CLASP1: variants seen among roughly 807,000 people sequenced by gnomAD.
CLASP1 encodes the protein cytoplasmic linker associated protein 1.
A neutral mutation model predicts 192.3 loss-of-function variants in CLASP1; 38 were observed. The observed-to-expected ratio is 0.20, with a 90% confidence interval of 0.15 to 0.26. The LOEUF (loss-of-function observed/expected upper bound fraction) is 0.26, where lower values mean the gene tolerates loss of function less well. Among genes scored for constraint, CLASP1 ranks in the 10% least tolerant of loss-of-function variants. CLASP1 has a pLI of 1.00. For missense variants in CLASP1, 1,433 were observed against 1,932.5 expected, an observed-to-expected ratio of 0.74 and a Z score of 4.85; for synonymous variants, 691 against 712.8, an observed-to-expected ratio of 0.97 and a Z score of 0.49.
In CLASP1 at chr2:121,598,741, G is replaced by A. The variant is rs144658962; in HGVS notation, c.195+6960C>T. Among the ~76,000 whole-genome samples the A allele has an allele frequency of 7.3e-4, 111 of 152,304 alleles. 1 individual carries two copies. The highest frequency in any genetic ancestry group is 2.5e-3 in the African/African-American group (102 of 41,552). On this transcript the variant is annotated intron_variant, in intron 2 of 39. Transcript: ENST00000263710. ...ATGAGATAAGACAGAGAACATACCT[G>A]AAACTAAGTAAGGAATAAATGGTAG... is the stretch of plus-strand genomic sequence containing the variant.
At chr2:121,517,588 C>T (rs2094335263) in intron 6 of CLASP1, among the ~76,000 whole-genome samples, 1 of 152,172 alleles carries the variant, frequency 6.6e-6, no homozygotes, top group South Asian at 2.1e-4. Flanking sequence ...AGCATGGTGG[C>T]TCACACCTGT....
chr2:121,340,524 T>C (rs1444990832), exon 40 of CLASP1: 3 of 218,804 alleles, frequency 1.4e-5, no homozygotes, highest in Middle Eastern at 1.6e-3. Flanking sequence ...TGCTACTTTC[T>C]ACCAAGTAGT....
exon 17 of CLASP1, chr2:121,449,006 T>G (rs755726766): frequency 2.5e-6 from 4 of 1,613,970 alleles, no homozygotes; most frequent in Middle Eastern, 1.7e-4. Flanking sequence ...GCAGAGACAC[T>G]ATGCTGTCTG....
At chr2:121,528,625 T>A (rs1177751174) in intron 4 of CLASP1, 52 bp downstream of exon 4, 1 of 1,389,196 alleles carries the variant, frequency 7.2e-7, no homozygotes, top group Non-Finnish European at 1.0e-6. Context: ...CCCTCGCACG[T>A]GCATGCACGC....
chr2:121,406,977 G>T (rs893297742), intron 25 of CLASP1, among the ~76,000 whole-genome samples: 3 of 152,282 alleles, frequency 2.0e-5, no homozygotes, highest in African/African-American at 7.2e-5. Context: ...CAGCACTTTG[G>T]GGGGCAAAGG....
chr2:121,364,860 A>G, intron 36 of CLASP1: 2 of 546,692 alleles, frequency 3.7e-6, no homozygotes, highest in South Asian at 4.2e-5. Flanking sequence ...TTCCTCAACT[A>G]CTATAAACCC....
Position 121,448,772 on chromosome 2 carries a change from C to T in CLASP1, c.1691+181G>A, listed in dbSNP as rs148270061. The stretch of plus-strand genomic sequence containing the variant: ...AACTGAAAAACAGTACGGTAGAGAC[C>T]AAAGCAACCTATTTCTCACCACTCC... On this transcript the variant is annotated intron_variant, in intron 17 of 39. Transcript: ENST00000263710. Among the ~76,000 whole-genome samples, 296 of 152,286 alleles carry T rather than the reference C, an allele frequency of 1.9e-3. 2 individuals carry two copies. Among genetic ancestry groups the T allele is most frequent in the Non-Finnish European group, 2.2e-3 (152 of 68,022 alleles).
chr2:121,376,892 T>C (rs2070372682), intron 34 of CLASP1, among the ~76,000 whole-genome samples: 1 of 152,174 alleles, frequency 6.6e-6, no homozygotes, highest in Non-Finnish European at 1.5e-5. Flanking sequence ...TGTCACTGTC[T>C]CCCAGCACCC....
chr2:121,533,926 T>C (rs2094967238), intron 2 of CLASP1, among the ~76,000 whole-genome samples: 1 of 152,184 alleles, frequency 6.6e-6, no homozygotes, highest in Non-Finnish European at 1.5e-5. Context: ...ACATCTTCTT[T>C]ATCCTACAAA....
At chr2:121,631,130 G>A (rs1329390424) in intron 1 of CLASP1, among the ~76,000 whole-genome samples, 1 of 107,366 alleles carries the variant, frequency 9.3e-6, no homozygotes, top group African/African-American at 3.6e-5. Flanking sequence ...TTACGCTCCA[G>A]CCTGGGTGAC....
intron 22 of CLASP1, among the ~76,000 whole-genome samples, chr2:121,419,192 T>G (rs537667848): frequency 6.6e-6 from 1 of 152,282 alleles, no homozygotes; most frequent in African/African-American, 2.4e-5. Flanking sequence ...CACTGGTCAC[T>G]GAAGTCCATG....
intron 33 of CLASP1, among the ~76,000 whole-genome samples, chr2:121,380,502 T>A (rs990082652): frequency 7.2e-6 from 1 of 139,556 alleles, no homozygotes; most frequent in African/African-American, 3.3e-5. Context: ...CCACCCAACA[T>A]GGAAGCTGAA....
At chr2:121,412,118 T>C (rs955976844) in intron 23 of CLASP1, among the ~76,000 whole-genome samples, 4 of 152,168 alleles carry the variant, frequency 2.6e-5, no homozygotes, top group Admixed American at 2.6e-4. Flanking sequence ...CCTACAAAAC[T>C]GGTGAACTTA....
intron 26 of CLASP1, chr2:121,403,416 A>G (rs1348443580): frequency 2.2e-6 from 1 of 456,708 alleles, no homozygotes; most frequent in East Asian, 6.9e-5. Context: ...CCTACGAGGA[A>G]GCAAGGATAG....
chr2:121,646,350 C>T (rs1049389832), intron 1 of CLASP1, among the ~76,000 whole-genome samples: 5 of 152,122 alleles, frequency 3.3e-5, no homozygotes, highest in African/African-American at 7.2e-5. Flanking sequence ...CCATGCAACC[C>T]GCCCACCTTG....
At chr2:121,575,230 G>T (rs2060395180) in intron 2 of CLASP1, among the ~76,000 whole-genome samples, 1 of 151,836 alleles carries the variant, frequency 6.6e-6, no homozygotes, top group Admixed American at 6.6e-5. Context: ...TCCTGCCTCA[G>T]CCTCCTGAGT....
intron 8 of CLASP1, among the ~76,000 whole-genome samples, chr2:121,483,552 G>T (rs1018095208): frequency 6.6e-6 from 1 of 150,910 alleles, no homozygotes; most frequent in African/African-American, 2.5e-5. Flanking sequence ...ATATATGTGT[G>T]TGTATATATA....
chr2:121,648,178 G>A (rs2073526163), intron 1 of CLASP1, among the ~76,000 whole-genome samples: 1 of 152,198 alleles, frequency 6.6e-6, no homozygotes, highest in South Asian at 2.1e-4. Context: ...ATATCGAGAG[G>A]TCAGTTACCG....
At chr2:121,360,886 T>A (rs12476675) in intron 37 of CLASP1, among the ~76,000 whole-genome samples, 1 of 152,032 alleles carries the variant, frequency 6.6e-6, no homozygotes, top group African/African-American at 2.4e-5. Flanking sequence ...AAGCAGGATA[T>A]ATATTCTGCT....
Sources: allele counts gnomAD v4.1 joint callset (sites outside exome capture counted in the v4.1 genomes callset), GRCh38; gene constraint gnomAD v4.1.1; transcripts MANE v1.5; gene names NCBI Gene and HGNC (gene_info 2026-07-23, HGNC 2026-07-21).